The following VWA3B variants were observed in gnomAD, a reference collection of about 807,000 sequenced individuals.
VWA3B encodes von Willebrand factor A domain-containing protein 3B.
A neutral mutation model predicts 158.3 loss-of-function variants in VWA3B; 138 were observed. The ratio of observed to expected loss-of-function variants is 0.87; its 90% CI spans 0.76 to 1.00. The LOEUF (loss-of-function observed/expected upper bound fraction) is 1.00. Among genes scored for constraint, VWA3B ranks in the 50% least tolerant of loss-of-function variants. The probability of loss-of-function intolerance (pLI) is 0.00; values close to 1 mark genes in which losing one functional copy is unlikely to be tolerated. For missense variants in VWA3B, 1,555 were observed against 1,565.1 expected, an observed-to-expected ratio of 0.99 and a Z score of 0.11; for synonymous variants, 596 against 587.3, an observed-to-expected ratio of 1.01 and a Z score of -0.21.
intron 16 of VWA3B, among the ~76,000 whole-genome samples, chr2:98,231,617 A>G (rs188252217): frequency 2.1e-3 from 322 of 152,348 alleles, no homozygotes; most frequent in African/African-American, 7.3e-3. Flanking sequence ...ACAGAAAACT[A>G]TAACACTTCT....
intron 19 of VWA3B, among the ~76,000 whole-genome samples, chr2:98,240,257 A>G (rs955209119): frequency 2.0e-5 from 3 of 152,234 alleles, no homozygotes; most frequent in Non-Finnish European, 4.4e-5. Flanking sequence ...TACATTTACT[A>G]TTTTAAAAAC....
chr2:98,122,160 CTA>C (rs1675019879), intron 5 of VWA3B: 1 of 152,260 alleles, frequency 6.6e-6, no homozygotes, highest in African/African-American at 2.4e-5. Flanking sequence ...GGGAGTGACT[CTA>C]GTGATGGGAG....
At chr2:98,087,607 C>T (rs569998906) in intron 1 of VWA3B, among the ~76,000 whole-genome samples, 5 of 152,168 alleles carry the variant, frequency 3.3e-5, no homozygotes, top group Non-Finnish European at 7.3e-5. Flanking sequence ...TTCCATCACA[C>T]CTCACCCGAG....
At chr2:98,216,508 G>A (rs901521669) in intron 13 of VWA3B, among the ~76,000 whole-genome samples, 1 of 152,250 alleles carries the variant, frequency 6.6e-6, no homozygotes, top group African/African-American at 2.4e-5. Context: ...ACCTGCACAT[G>A]CACAAACAGA....
At position 98,294,157 on chromosome 2, in the gene VWA3B, C is replaced by T. The variant is rs1689653178; in HGVS notation, c.3157+3535C>T. Among the ~76,000 whole-genome samples the T allele has an allele frequency of 2.4e-5, 3 of 125,298 alleles. No individual in the cohort carries two copies. In the Admixed American group the frequency reaches 3.0e-4, roughly 13 times the overall value. The allele number at this position is 125,298 out of a possible 152,430, so 82.2% of individuals were successfully genotyped here. A position where few individuals can be genotyped will look rare whatever the true frequency, so the allele number is the denominator to read the frequency against. ...CATTGGTGATGTTAATTTAGATCAC[C>T]TGTTCACTGTGAGTCACTATTTTCC... On this transcript the variant is annotated intron_variant, in intron 23 of 27. Transcript: ENST00000477737.
intron 14 of VWA3B, among the ~76,000 whole-genome samples, chr2:98,227,119 A>T (rs145094169): frequency 6.6e-6 from 1 of 152,222 alleles, no homozygotes; most frequent in Non-Finnish European, 1.5e-5. Context: ...CTGTTTGCAG[A>T]TGACATCATT....
chr2:98,300,557 G>A (rs956503436), intron 25 of VWA3B, among the ~76,000 whole-genome samples: 1 of 151,808 alleles, frequency 6.6e-6, no homozygotes, highest in African/African-American at 2.4e-5. Flanking sequence ...CTCCTCCTCC[G>A]CCTCCTCAGA....
At chr2:98,265,512 G>T (rs62156747) in intron 21 of VWA3B, among the ~76,000 whole-genome samples, 2 of 151,884 alleles carry the variant, frequency 1.3e-5, no homozygotes, top group African/African-American at 4.8e-5. Flanking sequence ...ATACGTGTGC[G>T]TGTGTCTTTA....
intron 10 of VWA3B, among the ~76,000 whole-genome samples, chr2:98,188,890 A>G (rs1159009399): frequency 2.0e-5 from 3 of 152,242 alleles, no homozygotes; most frequent in African/African-American, 7.2e-5. Context: ...ACGTGTGGCT[A>G]TCACACTGGT....
chr2:98,326,096 A>G, the VWA3B span, among the ~76,000 whole-genome samples: 1 of 152,232 alleles, frequency 6.6e-6, no homozygotes, highest in Non-Finnish European at 1.5e-5. Flanking sequence ...CCATGCAACA[A>G]AGAAGAAATC....
intron 8 of VWA3B, among the ~76,000 whole-genome samples, chr2:98,170,511 G>T (rs1679493402): frequency 6.6e-6 from 1 of 152,102 alleles, no homozygotes; most frequent in African/African-American, 2.4e-5. Context: ...ATGGAGAGGG[G>T]GATGGTGCTT....
Position 98,133,809 on chromosome 2 carries a change from C to G in VWA3B, c.873-15C>G. Reference sequence around the variant, plus strand: ...TGCGTACTGCCTTCCTAATGAGCATCTCTTCACGTTTCAGATTCCACGCAT... The same window carrying G: ...TGCGTACTGCCTTCCTAATGAGCATGTCTTCACGTTTCAGATTCCACGCAT... On this transcript the variant is annotated splice_polypyrimidine_tract_variant and intron_variant, in intron 6 of 27. Coordinates refer to ENST00000477737, the MANE Select transcript of VWA3B (RefSeq NM_144992.5). 1 of 1,612,092 alleles carries G rather than the reference C, an allele frequency of 6.2e-7. No homozygotes were observed. Among genetic ancestry groups the G allele is most frequent in the Non-Finnish European group, 8.5e-7 (1 of 1,178,190 alleles).
At chr2:98,179,792 TTCTTTC>T (rs1680348149) in intron 8 of VWA3B, among the ~76,000 whole-genome samples, 7 of 54,990 alleles carry the variant, frequency 1.3e-4, no homozygotes, top group Non-Finnish European at 2.1e-4. Context: ...TTTCTTTTCT[TTCTTTC>T]TTTCTTTCTT....
Position 98,195,467 on chromosome 2 carries a change from C to T in VWA3B, c.1737+975C>T, listed in dbSNP as rs1018422658. Among the ~76,000 whole-genome samples, 3 of 152,194 alleles carry T rather than the reference C, an allele frequency of 2.0e-5. 1 individual carries two copies. On this transcript the variant is annotated intron_variant, in intron 12 of 27. Coordinates refer to ENST00000477737, the MANE Select transcript of VWA3B (RefSeq NM_144992.5). ...ATCTGTTCTATAAGAAATAATAATG[C>T]CTGTAAGATTTTAATTTAACTGGGC...
At chr2:98,153,594 C>T (rs553839252) in intron 7 of VWA3B, among the ~76,000 whole-genome samples, 31 of 152,322 alleles carry the variant, frequency 2.0e-4, no homozygotes, top group African/African-American at 7.2e-4. Flanking sequence ...TGTATTGGCC[C>T]ATCACTTAGG....
intron 22 of VWA3B, among the ~76,000 whole-genome samples, chr2:98,284,944 T>G (rs1289363444): frequency 6.6e-6 from 1 of 152,214 alleles, no homozygotes; most frequent in Non-Finnish European, 1.5e-5. Context: ...CGGAAGCTCC[T>G]GTACTCATTC....
At chr2:98,284,976 A>G (rs543283929) in intron 22 of VWA3B, among the ~76,000 whole-genome samples, 1 of 152,324 alleles carries the variant, frequency 6.6e-6, no homozygotes, top group Non-Finnish European at 1.5e-5. Flanking sequence ...CCACTACAGT[A>G]TATGCAAAAT....
intron 8 of VWA3B, among the ~76,000 whole-genome samples, chr2:98,167,477 T>C (rs1180274928): frequency 5.9e-5 from 9 of 152,150 alleles, no homozygotes; most frequent in Non-Finnish European, 1.2e-4. Flanking sequence ...GAGCTCTAGC[T>C]TTCCCTCGCT....
intron 14 of VWA3B, among the ~76,000 whole-genome samples, chr2:98,224,751 A>AT (rs1684778548): frequency 2.7e-5 from 1 of 37,348 alleles, no homozygotes; most frequent in African/African-American, 1.4e-4. Flanking sequence ...GGCAGTGTGA[A>AT]TTAAAAAAAA....
Sources: allele counts gnomAD v4.1 joint callset (sites outside exome capture counted in the v4.1 genomes callset), GRCh38; gene constraint gnomAD v4.1.1; transcripts MANE v1.5; gene names NCBI Gene and HGNC (gene_info 2026-07-23, HGNC 2026-07-21).